The following CDYL variants were observed in gnomAD, a reference collection of about 807,000 sequenced individuals.
CDYL encodes chromodomain Y-like protein.
A neutral mutation model predicts 47.3 loss-of-function variants in CDYL; 8 were observed. That is an observed-to-expected ratio of 0.17 (90% CI 0.10 to 0.31). The LOEUF is 0.31. Among genes scored for constraint, CDYL ranks in the 10% least tolerant of loss-of-function variants. The pLI, the probability that CDYL is intolerant of heterozygous loss-of-function variation, is 1.00. For missense variants in CDYL, 471 were observed against 701.4 expected, an observed-to-expected ratio of 0.67 and a Z score of 3.71; for synonymous variants, 266 against 265.0, an observed-to-expected ratio of 1.00 and a Z score of -0.04.
At chr6:4,818,454 A>G (rs1759734762) in intron 1 of CDYL, among the ~76,000 whole-genome samples, 1 of 152,136 alleles carries the variant, frequency 6.6e-6, no homozygotes, top group Admixed American at 6.6e-5. Flanking sequence ...GAACAGCTGA[A>G]TTAGTCAGCA....
At chr6:4,744,964 C>T (rs145420336) in intron 3 of CDYL, among the ~76,000 whole-genome samples, 2 of 151,986 alleles carry the variant, frequency 1.3e-5, no homozygotes, top group Non-Finnish European at 2.9e-5. Context: ...ACATACATTT[C>T]TTTTCTTTTT....
At chr6:4,900,633 A>G (rs1197706960) in intron 2 of CDYL, among the ~76,000 whole-genome samples, 1 of 151,540 alleles carries the variant, frequency 6.6e-6, no homozygotes, top group Non-Finnish European at 1.5e-5. Context: ...ATATTTACCT[A>G]TTCTTAACCA....
rs749689739 is a variant in CDYL at position 4,937,612 on chromosome 6, C to T, written c.996C>T (p.Asp332=). ...CTCTGAGCACGGCCGCTGCCGATGA[C>T]AGCAAGCTGGTACTGCTCAGCGCCG... ...QSALSTAAAD[D]SKLVLLSAVG... The change falls in exon 4 of 7, where the codon GAC becomes GAT. Residue 332 remains aspartate (D), a synonymous_variant. Coordinates refer to ENST00000397588, the MANE Select transcript of CDYL (RefSeq NM_004824.4). 1.0e-5 allele frequency: 16 copies of T among 1,605,546 alleles called. No homozygotes were observed. The highest frequency in any genetic ancestry group is 1.4e-5 in the Non-Finnish European group (16 of 1,176,746).
intron 2 of CDYL, among the ~76,000 whole-genome samples, chr6:4,917,029 C>G (rs1205825964): frequency 6.6e-6 from 1 of 152,182 alleles, no homozygotes; most frequent in Non-Finnish European, 1.5e-5. Flanking sequence ...AAAAATAGCT[C>G]TGTATACAGG....
chr6:4,923,486 T>C (rs1336697335), intron 2 of CDYL, among the ~76,000 whole-genome samples: 1 of 152,176 alleles, frequency 6.6e-6, no homozygotes, highest in Admixed American at 6.5e-5. Flanking sequence ...GGCACTTAGG[T>C]TGGTTTCATA....
chr6:4,897,542 A>T (rs1376377545), intron 2 of CDYL, among the ~76,000 whole-genome samples: 1 of 152,218 alleles, frequency 6.6e-6, no homozygotes. Flanking sequence ...GCTGCCCTCT[A>T]GGAAGAAGCC....
At chr6:4,836,386 G>T in intron 1 of CDYL, 1 of 394,444 alleles carries the variant, frequency 2.5e-6, no homozygotes, top group African/African-American at 2.2e-5. Flanking sequence ...TTAAACCAGT[G>T]TGATACATTT....
At chr6:4,930,164 G>A (rs1445174035) in intron 2 of CDYL, among the ~76,000 whole-genome samples, 3 of 152,234 alleles carry the variant, frequency 2.0e-5, no homozygotes, top group East Asian at 1.9e-4. Context: ...TAGGACTTCC[G>A]GCCCTAGGCA....
chr6:4,720,766 C>CA (rs1296441841), intron 2 of CDYL, among the ~76,000 whole-genome samples: 1 of 152,172 alleles, frequency 6.6e-6, no homozygotes, highest in Non-Finnish European at 1.5e-5. Context: ...AGTGATCAGT[C>CA]AAAAGCTCTC....
At chr6:4,738,296 G>C (rs1485364651) in intron 3 of CDYL, among the ~76,000 whole-genome samples, 3 of 152,186 alleles carry the variant, frequency 2.0e-5, no homozygotes, top group Admixed American at 1.3e-4. Flanking sequence ...AGAATCATTT[G>C]AACCTGGGAG....
chr6:4,771,801 A>G (rs1053377773), upstream of CDYL, among the ~76,000 whole-genome samples: 1 of 152,240 alleles, frequency 6.6e-6, no homozygotes, highest in Non-Finnish European at 1.5e-5. Flanking sequence ...AATCATCACA[A>G]TAATTCAAGG....
chr6:4,921,416 A>T (rs1348003942), intron 2 of CDYL, among the ~76,000 whole-genome samples: 1 of 152,228 alleles, frequency 6.6e-6, no homozygotes, highest in Non-Finnish European at 1.5e-5. Flanking sequence ...CGAAGTCCTT[A>T]ACATTTAATA....
intron 3 of CDYL, among the ~76,000 whole-genome samples, chr6:4,744,701 A>G (rs966410426): frequency 6.6e-6 from 1 of 152,202 alleles, no homozygotes; most frequent in Non-Finnish European, 1.5e-5. Context: ...TCTTCATTTT[A>G]CAGATAAGGA....
intron 1 of CDYL, among the ~76,000 whole-genome samples, chr6:4,779,033 A>AC: frequency 6.6e-6 from 1 of 152,322 alleles, no homozygotes; most frequent in African/African-American, 2.4e-5. Flanking sequence ...CATGGCAAGC[A>AC]CCCAGTAAGT....
In CDYL at chr6:4,936,355, T is replaced by C. The variant is rs142702476; in HGVS notation, c.948+584T>C. ...GTTGTTGGAAAGGTTAGAACATGAATTTTGTGAAGTTTCTAGAATCGGGAG... is the reference window on the plus strand; with the variant it reads ...GTTGTTGGAAAGGTTAGAACATGAACTTTGTGAAGTTTCTAGAATCGGGAG... On this transcript the variant is annotated intron_variant, in intron 3 of 6. Transcript: ENST00000397588. 7.2e-4 allele frequency among the ~76,000 whole-genome samples: 109 copies of C among 152,312 alleles called. 1 individual carries two copies. Among genetic ancestry groups the C allele is most frequent in the African/African-American group, 2.6e-3 (106 of 41,566 alleles).
chr6:4,851,656 A>T (rs1760832532), intron 1 of CDYL, among the ~76,000 whole-genome samples: 1 of 152,248 alleles, frequency 6.6e-6, no homozygotes, highest in Admixed American at 6.5e-5. Flanking sequence ...TCTTCACTGC[A>T]TTCGCAGACG....
intron 1 of CDYL, among the ~76,000 whole-genome samples, chr6:4,788,739 T>G (rs1758833056): frequency 6.6e-6 from 1 of 151,458 alleles, no homozygotes; most frequent in Non-Finnish European, 1.5e-5. Flanking sequence ...CCACCACCAT[T>G]CGGCAGCAGA....
chr6:4,889,247 C>T (rs957903917), intron 1 of CDYL, among the ~76,000 whole-genome samples: 5 of 150,568 alleles, frequency 3.3e-5, no homozygotes, highest in Admixed American at 1.3e-4. Flanking sequence ...TTTTTTGAGA[C>T]GGAGTCTTGC....
intron 4 of CDYL, among the ~76,000 whole-genome samples, chr6:4,942,500 T>A (rs1268140099): frequency 3.3e-5 from 5 of 152,216 alleles, no homozygotes; most frequent in Non-Finnish European, 7.3e-5. Context: ...GGGTCAGGTT[T>A]AGAATCCAGC....
Sources: gnomAD v4.1 joint callset for allele counts (sites outside exome capture counted in the v4.1 genomes callset) on GRCh38, gnomAD v4.1.1 for gene constraint, MANE v1.5 for transcripts, NCBI Gene and HGNC (gene_info 2026-07-23, HGNC 2026-07-21) for gene names.